AK3: variants seen among roughly 807,000 people sequenced by gnomAD.
AK3 encodes the protein adenylate kinase 3, also known as GTP:AMP phosphotransferase AK3, mitochondrial.
A neutral mutation model predicts 23.7 loss-of-function variants in AK3; 27 were observed. The observed-to-expected ratio is 1.14, with a 90% CI of 0.84 to 1.57. AK3 has a LOEUF of 1.57. AK3 is among the 40% of genes most tolerant of loss of function. The pLI, the probability that AK3 is intolerant of heterozygous loss-of-function variation, is 0.00. For missense variants in AK3, 406 were observed against 285.6 expected, an observed-to-expected ratio of 1.42 and a Z score of -3.04; for synonymous variants, 159 against 116.0, an observed-to-expected ratio of 1.37 and a Z score of -2.38.
At chr9:4,728,523 T>G (rs76210385) in intron 1 of AK3, among the ~76,000 whole-genome samples, 1 of 151,936 alleles carries the variant, frequency 6.6e-6, no homozygotes, top group Non-Finnish European at 1.5e-5. Flanking sequence ...GTGACCTGAA[T>G]AGCTGCCACT....
chr9:4,739,441 G>A (rs1403100623), intron 1 of AK3, among the ~76,000 whole-genome samples: 2 of 150,682 alleles, frequency 1.3e-5, no homozygotes, highest in South Asian at 2.1e-4. Context: ...TGATCCGCCC[G>A]CCTTGACCTC....
At chr9:4,737,183 T>A (rs1372838621) in intron 1 of AK3, among the ~76,000 whole-genome samples, 2 of 152,124 alleles carry the variant, frequency 1.3e-5, no homozygotes, top group Non-Finnish European at 2.9e-5. Flanking sequence ...CTTTAAAAAT[T>A]AATAGCTATA....
chr9:4,733,164 T>C (rs1413013414), intron 1 of AK3, among the ~76,000 whole-genome samples: 1 of 152,138 alleles, frequency 6.6e-6, no homozygotes, highest in Non-Finnish European at 1.5e-5. Context: ...CTCTTTCACA[T>C]GTGCCAAGAG....
At chr9:4,714,966 C>A (rs1425437224) in intron 4 of AK3, among the ~76,000 whole-genome samples, 1 of 152,000 alleles carries the variant, frequency 6.6e-6, no homozygotes, top group Non-Finnish European at 1.5e-5. Flanking sequence ...AGTCTGTAAT[C>A]CCAGCACTTT....
intron 1 of AK3, among the ~76,000 whole-genome samples, chr9:4,740,180 C>T (rs555132917): frequency 6.6e-6 from 1 of 151,696 alleles, no homozygotes; most frequent in African/African-American, 2.4e-5. Flanking sequence ...GTAAGGTCAA[C>T]ATTTTTTGAG....
rs79635667 is a variant in AK3 at position 4,737,612 on chromosome 9, C to G, written c.151+3325G>C. Among the ~76,000 whole-genome samples the G allele has an allele frequency of 3.0e-3, 462 of 152,192 alleles. 1 individual carries two copies. The highest frequency in any genetic ancestry group is 0.011 in the African/African-American group (440 of 41,540). On this transcript the variant is annotated intron_variant, in intron 1 of 4. Coordinates refer to ENST00000381809, the MANE Select transcript of AK3 (RefSeq NM_016282.4). The stretch of plus-strand genomic sequence containing the variant: ...GCCTGTAGTCCCAGCTACCTGAGTT[C>G]GGAAGCTGAAGCAGGAGAATCGCTT...
chr9:4,721,938 C>T (rs999609138), intron 2 of AK3, among the ~76,000 whole-genome samples: 8 of 152,210 alleles, frequency 5.3e-5, no homozygotes, highest in Admixed American at 5.2e-4. Flanking sequence ...ACACTGAGTG[C>T]ACGCGTGCCT....
intron 1 of AK3, among the ~76,000 whole-genome samples, chr9:4,737,643 C>T (rs1842327788): frequency 6.6e-6 from 1 of 152,146 alleles, no homozygotes. Flanking sequence ...CGCTTGAACC[C>T]AGGAGTCGGA....
At position 4,740,867 on chromosome 9, in the gene AK3, T is replaced by C. The variant is rs1842412956; in HGVS notation, c.151+70A>G. The C allele has an allele frequency of 2.2e-6, 3 of 1,393,936 alleles. No individual in the cohort carries two copies. In the South Asian group the frequency reaches 4.8e-5, roughly 22 times the overall value. The allele number at this position is 1,393,936 out of a possible 1,614,324, so 86.3% of individuals were successfully genotyped here. A position where few individuals can be genotyped will look rare whatever the true frequency, so the allele number is the denominator to read the frequency against. On this transcript the variant is annotated intron_variant, in intron 1 of 4. Transcript: ENST00000381809. Reference sequence around the variant, plus strand: ...GCAGCCAGGGACCCGCGTGCCCAGCTTCGGCCCCTCGCCCGCGAAGTCCGA... The same window carrying C: ...GCAGCCAGGGACCCGCGTGCCCAGCCTCGGCCCCTCGCCCGCGAAGTCCGA...
At chr9:4,737,704 G>C (rs1842329570) in intron 1 of AK3, among the ~76,000 whole-genome samples, 1 of 152,140 alleles carries the variant, frequency 6.6e-6, no homozygotes, top group South Asian at 2.1e-4. Flanking sequence ...GGGCGACAGA[G>C]TGGGGACTCT....
rs573255323 is a variant in AK3, at chr9:4,727,058, T to C, written c.152-4433A>G. On this transcript the variant is annotated intron_variant, in intron 1 of 4. Transcript: ENST00000381809. ...ATAGTTCTCAACAGTGGGCTTCAAATAGTCAGTAAACCATGCTATAAACCG... is the reference window on the plus strand; with the variant it reads ...ATAGTTCTCAACAGTGGGCTTCAAACAGTCAGTAAACCATGCTATAAACCG... Among the ~76,000 whole-genome samples, 47 of 152,330 alleles carry C rather than the reference T, an allele frequency of 3.1e-4. 1 individual carries two copies. Among genetic ancestry groups the C allele is most frequent in the African/African-American group, 1.0e-3 (43 of 41,578 alleles).
At chr9:4,741,369 C>G (rs1006095095), upstream of AK3, 18 of 322,318 alleles carry the variant, frequency 5.6e-5, no homozygotes, top group Admixed American at 1.5e-4. Context: ...CGCGCCCCCT[C>G]TGCGCTCGCT....
chr9:4,724,566 G>A (rs560821696), intron 1 of AK3, among the ~76,000 whole-genome samples: 19 of 152,196 alleles, frequency 1.2e-4, no homozygotes, highest in African/African-American at 3.6e-4. Flanking sequence ...TATGTCTAAA[G>A]CCAACGGTTT....
intron 1 of AK3, among the ~76,000 whole-genome samples, chr9:4,729,832 T>C (rs576641182): frequency 3.1e-4 from 37 of 120,390 alleles, no homozygotes; most frequent in African/African-American, 1.0e-3. Flanking sequence ...ACTGTGTCTC[T>C]TAAAAAAAAA....
chr9:4,718,629 GT>G, intron 3 of AK3, 92 bp from the exon 4 acceptor site: 2 of 983,902 alleles, frequency 2.0e-6, no homozygotes, highest in Non-Finnish European at 3.1e-6. Flanking sequence ...AGACATCTCT[GT>G]GCAAGTGCCA....
intron 1 of AK3, among the ~76,000 whole-genome samples, chr9:4,724,244 C>A (rs1841970212): frequency 6.6e-6 from 1 of 152,042 alleles, no homozygotes; most frequent in African/African-American, 2.4e-5. Flanking sequence ...GCTTCAACCT[C>A]ATCAACAGCA....
intron 1 of AK3, among the ~76,000 whole-genome samples, chr9:4,738,910 C>T (rs2130918444): frequency 6.6e-6 from 1 of 151,618 alleles, no homozygotes; most frequent in Non-Finnish European, 1.5e-5. Flanking sequence ...AAGCTGGGAC[C>T]ACAGGCGCGA....
In AK3 at chr9:4,718,520, A is replaced by G. The variant is rs146879241; in HGVS notation, c.462T>C (p.Thr154=). The change falls in exon 4 of 5, where the codon ACT becomes ACC. Residue 154 remains threonine (T), a synonymous_variant. Coordinates refer to ENST00000381809, the MANE Select transcript of AK3 (RefSeq NM_016282.4). ...CCTCACGCTGAATGAGAGGCTCCCC[A>G]GTCAGGTCATCAATGCCCTAAACAG... ...PPKTVGIDDL[T]GEPLIQREDD... The G allele has an allele frequency of 6.2e-7, 1 of 1,613,614 alleles. No individual in the cohort carries two copies. Among genetic ancestry groups the G allele is most frequent in the Non-Finnish European group, 8.5e-7 (1 of 1,179,630 alleles).
rs974998400 is a variant in AK3, at chr9:4,725,330, T to C, written c.152-2705A>G. Among the ~76,000 whole-genome samples the C allele has an allele frequency of 7.9e-5, 12 of 151,968 alleles. No individual in the cohort carries two copies. The South Asian group carries it at 1.0e-3, about 13-fold the overall frequency. ...CTGCGTCCAGCCTAAAAACTCTTAA[T>C]AGAAAACACAGGTATAAATCTTCAT... On this transcript the variant is annotated intron_variant, in intron 1 of 4. Coordinates refer to ENST00000381809, the MANE Select transcript of AK3 (RefSeq NM_016282.4).
Sources: gnomAD v4.1 joint callset for allele counts (sites outside exome capture counted in the v4.1 genomes callset) on GRCh38, gnomAD v4.1.1 for gene constraint, MANE v1.5 for transcripts, NCBI Gene and HGNC (gene_info 2026-07-23, HGNC 2026-07-21) for gene names.